Variants in CPSF2 observed in about 807,000 individuals in gnomAD.
CPSF2 encodes the protein cleavage and polyadenylation specificity factor subunit 2.
A neutral mutation model predicts 84.2 loss-of-function variants in CPSF2; 51 were observed. The ratio of observed to expected loss-of-function variants is 0.61; its 90% confidence interval spans 0.48 to 0.77. The LOEUF (loss-of-function observed/expected upper bound fraction) is 0.77. Among genes scored for constraint, CPSF2 ranks in the 30% least tolerant of loss-of-function variants. The pLI, the probability that CPSF2 is intolerant of heterozygous loss-of-function variation, is 0.00. For missense variants in CPSF2, 641 were observed against 929.4 expected (o/e 0.69, Z 4.03); for synonymous variants, 286 against 311.9 (o/e 0.92, Z 0.87).
intron 9 of CPSF2, among the ~76,000 whole-genome samples, chr14:92,145,897 G>C (rs1372302670): frequency 2.0e-5 from 3 of 152,150 alleles, no homozygotes; most frequent in African/African-American, 7.2e-5. Flanking sequence ...CTTAGCGATA[G>C]TTCTTTTGCA....
In CPSF2 at chr14:92,167,283, A is replaced by T. The variant is rs998005900; in HGVS notation, c.*5539A>T. The stretch of plus-strand genomic sequence containing the variant: ...TGCCTCAGCCTCCCAAAGTGCTGGG[A>T]TTACAGTCGTGAGCCACCATACTCA... On this transcript the variant is annotated 3_prime_UTR_variant, in exon 16 of 16. Coordinates refer to ENST00000298875, the MANE Select transcript of CPSF2 (RefSeq NM_017437.3). The T allele has an allele frequency of 2.0e-5, 3 of 152,134 alleles. No individual in the cohort carries two copies. Among genetic ancestry groups the T allele is most frequent in the African/African-American group, 7.2e-5 (3 of 41,428 alleles). 9.4% of individuals were successfully genotyped at this position (152,134 alleles called of 1,614,324 possible).
intron 1 of CPSF2, among the ~76,000 whole-genome samples, chr14:92,124,530 T>A (rs1177484524): frequency 6.6e-6 from 1 of 152,178 alleles, no homozygotes; most frequent in Non-Finnish European, 1.5e-5. Flanking sequence ...TATTAAAACT[T>A]AGTCTGAGAC....
Position 92,159,135 on chromosome 14 carries a change from A to G in CPSF2, c.1974A>G (p.Glu658=), listed in dbSNP as rs1488516531. The G allele has an allele frequency of 6.2e-7, 1 of 1,614,018 alleles. No individual in the cohort carries two copies. Among genetic ancestry groups the G allele is most frequent in the Non-Finnish European group, 8.5e-7 (1 of 1,180,012 alleles). Residue 658 remains glutamate, a synonymous_variant, in exon 14 of 16, where the codon GAA becomes GAG. Coordinates refer to ENST00000298875, the MANE Select transcript of CPSF2 (RefSeq NM_017437.3). The stretch of plus-strand genomic sequence containing the variant: ...AAGGAGAACTAAAGGATGATGGAGA[A>G]GACTCAGAGATGCAAGTGGAAGCTC... ...LEEGELKDDG[E]DSEMQVEAPS... is the part of the protein sequence containing the mutation.
At position 92,156,572 on chromosome 14, in the gene CPSF2, T is replaced by A; in HGVS notation, c.1536T>A (p.Asp512Glu). 1 of 1,611,248 alleles carries A rather than the reference T, an allele frequency of 6.2e-7. No individual in the cohort carries two copies. Among genetic ancestry groups the A allele is most frequent in the South Asian group, 1.1e-5 (1 of 90,912 alleles). ...TGACAAATGGAGATGAACCTATGGA[T>A]CAGGATTTATCTGATGTTCCTACTA... The part of the protein sequence containing the change: ...SGLTNGDEPM[D>E]QDLSDVPTKC... Residue 512 changes from aspartate (D) to glutamate (E), a missense_variant, in exon 12 of 16, where the codon GAT (aspartate) becomes GAA (glutamate). Asp to Glu is a conservative substitution (Grantham distance 45). Transcript: ENST00000298875.
rs150582555 is a variant in CPSF2 at position 92,156,167 on chromosome 14, G to A, written c.1443-312G>A. Among the ~76,000 whole-genome samples, 75 of 152,258 alleles carry A rather than the reference G, an allele frequency of 4.9e-4. 1 individual carries two copies. The East Asian group carries it at 0.013, about 27-fold the overall frequency. The stretch of plus-strand genomic sequence containing the variant: ...TAGCCGGGCGTGATGGCAGGCACCT[G>A]TAATCCTAGCTACTCTGGGGGCTGA... On this transcript the variant is annotated intron_variant, in intron 11 of 15. Transcript: ENST00000298875.
In CPSF2 at chr14:92,143,245, T is replaced by C. The variant is rs527771956; in HGVS notation, c.1091T>C (p.Leu364Ser). ...ILTYRTTPGT[L>S]ARFLIDNPSE... Reference sequence around the variant, plus strand: ...ACCTACAGAACTACTCCTGGGACTTTAGCACGTTTCCTAATTGATAATCCT... The same window carrying C: ...ACCTACAGAACTACTCCTGGGACTTCAGCACGTTTCCTAATTGATAATCCT... Residue 364 changes from leucine to serine, a missense_variant, in exon 9 of 16, where the codon TTA (leucine) becomes TCA (serine). Physicochemically the swap from Leu to Ser is moderately radical, Grantham distance 145. Coordinates refer to ENST00000298875, the MANE Select transcript of CPSF2 (RefSeq NM_017437.3). The C allele has an allele frequency of 5.6e-6, 9 of 1,612,600 alleles. No individual in the cohort carries two copies. The Admixed American group carries it at 1.3e-4, about 24-fold the overall frequency.
chr14:92,149,213 A>G lies in CPSF2; in HGVS notation c.1141-5145A>G, dbSNP rs117104279. ...TAAAGTGCTTACACCTTGGCCTAAA[A>G]CTCCACTAGTAGCCACTGCATTTTT... On this transcript the variant is annotated intron_variant, in intron 9 of 15. Coordinates refer to ENST00000298875, the MANE Select transcript of CPSF2 (RefSeq NM_017437.3). Among the ~76,000 whole-genome samples the G allele has an allele frequency of 7.1e-4, 108 of 152,020 alleles. 6 individuals carry two copies. In the East Asian group the frequency reaches 0.02, roughly 29 times the overall value.
chr14:92,131,121 AT>A lies in CPSF2; in HGVS notation c.139del (p.Ser47ProfsTer2). On this transcript the variant is annotated frameshift_variant, in exon 3 of 16. Transcript: ENST00000298875. LOFTEE classifies it high-confidence loss of function. ...GAGCACTTTTCTATGGATATTATTG[AT>A]TCCCTGAGGAAGTAAGTTACATTTC... ...WDEHFSMDII[D>X]SLRKHVHQID... The A allele has an allele frequency of 6.2e-7, 1 of 1,601,940 alleles. No individual in the cohort carries two copies. Among genetic ancestry groups the A allele is most frequent in the Non-Finnish European group, 8.5e-7 (1 of 1,176,252 alleles).
At chr14:92,128,753 G>T (rs1372293102) in intron 2 of CPSF2, among the ~76,000 whole-genome samples, 1 of 152,154 alleles carries the variant, frequency 6.6e-6, no homozygotes, top group Non-Finnish European at 1.5e-5. Context: ...TTTGCAATGG[G>T]AATACTAGAG....
chr14:92,157,668 T>C lies in CPSF2; in HGVS notation c.1605T>C (p.Val535=). The C allele has an allele frequency of 6.2e-7, 1 of 1,609,934 alleles. No homozygotes were observed. The highest frequency in any genetic ancestry group is 1.1e-5 in the South Asian group (1 of 91,022). Residue 535 remains valine (V), a synonymous_variant, in exon 13 of 16, where the codon GTT becomes GTC. Transcript: ENST00000298875. The surrounding 1 kb of genome is among the most constrained non-coding windows in gnomAD (Gnocchi z 4.0). ...TTESIEIKAR[V]TYIDYEGRSD... ...TCATATCTAATTACAGAGCCCGGGT[T>C]ACCTACATAGACTATGAAGGACGCT... is the stretch of plus-strand genomic sequence containing the variant.
chr14:92,168,945 T>C lies in CPSF2; in HGVS notation c.*7201T>C, dbSNP rs1206309024. ...GAAATTGTTAAGGATTCCATGATCC[T>C]ACTAAAATTTTTGATAATGATAATT... is the stretch of plus-strand genomic sequence containing the variant. On this transcript the variant is annotated 3_prime_UTR_variant, in exon 16 of 16. Transcript: ENST00000298875. 1 of 152,206 alleles carries C rather than the reference T, an allele frequency of 6.6e-6. No homozygotes were observed. Among genetic ancestry groups the C allele is most frequent in the Non-Finnish European group, 1.5e-5 (1 of 68,038 alleles). 9.4% of individuals were successfully genotyped at this position (152,206 alleles called of 1,614,324 possible).
In CPSF2 at chr14:92,152,446, T is replaced by A. The variant is rs1466030520; in HGVS notation, c.1141-1912T>A. Among the ~76,000 whole-genome samples the A allele has an allele frequency of 3.3e-5, 5 of 150,484 alleles. No homozygotes were observed. In the South Asian group the frequency reaches 8.4e-4, roughly 25 times the overall value. On this transcript the variant is annotated intron_variant, in intron 9 of 15. Coordinates refer to ENST00000298875, the MANE Select transcript of CPSF2 (RefSeq NM_017437.3). ...GCCCGGCCTATTATTATTATTAATTTATTTATTTTTGAGCTGGAGTCTCAC... is the reference window on the plus strand; with the variant it reads ...GCCCGGCCTATTATTATTATTAATTAATTTATTTTTGAGCTGGAGTCTCAC...
intron 6 of CPSF2, among the ~76,000 whole-genome samples, chr14:92,136,643 C>T (rs907468404): frequency 3.3e-5 from 5 of 152,198 alleles, no homozygotes; most frequent in African/African-American, 1.2e-4. Flanking sequence ...TCCCTTTGCT[C>T]ACTAGAAGCA....
chr14:92,136,649 A>G lies in CPSF2; in HGVS notation c.545+1153A>G, dbSNP rs374270751. Among the ~76,000 whole-genome samples the G allele has an allele frequency of 5.9e-4, 90 of 152,326 alleles. 2 individuals carry two copies. The South Asian group carries it at 0.018, about 31-fold the overall frequency. ...GAAGGCAGCTCCCTTTGCTCACTAG[A>G]AGCAGGGAGCTCTCTTCTTCTTCTC... On this transcript the variant is annotated intron_variant, in intron 6 of 15. Transcript: ENST00000298875.
At chr14:92,125,925 TTA>T (rs10601338) in intron 1 of CPSF2, among the ~76,000 whole-genome samples, 195 bp from the exon 2 acceptor site, 1,844 of 152,288 alleles carry the variant, frequency 0.012, 41 homozygotes, top group African/African-American at 0.042. Context: ...CTAAATATTT[TTA>T]TGTCTTTTAT....
chr14:92,135,018 A>G (rs1437405098), intron 5 of CPSF2, among the ~76,000 whole-genome samples: 2 of 152,230 alleles, frequency 1.3e-5, no homozygotes, highest in Non-Finnish European at 2.9e-5. Flanking sequence ...GCAAAAATGG[A>G]AACATTTGGT....
intron 12 of CPSF2, among the ~76,000 whole-genome samples, chr14:92,156,876 T>C (rs2069297497): frequency 6.6e-6 from 1 of 152,196 alleles, no homozygotes; most frequent in Admixed American, 6.5e-5. Context: ...AATTGTAACA[T>C]TAAATTGTAC....
chr14:92,134,270 T>TTTTA lies in CPSF2; in HGVS notation c.331_334dup (p.Thr112IlefsTer8). 1.2e-6 allele frequency: 2 copies of TTTTA among 1,613,504 alleles called. No individual in the cohort carries two copies. The highest frequency in any genetic ancestry group is 1.7e-6 in the Non-Finnish European group (2 of 1,179,468). ...TTTAGTCTCGACACAATACAGAAGA[T>TTTTA]TTTACACTCTTTACATTAGATGATG... On this transcript the variant is annotated frameshift_variant, in exon 5 of 16. Coordinates refer to ENST00000298875, the MANE Select transcript of CPSF2 (RefSeq NM_017437.3). LOFTEE classifies it high-confidence loss of function.
At chr14:92,122,153 C>G (rs180896870) in intron 1 of CPSF2, 25 bp downstream of exon 1, 1 of 349,406 alleles carries the variant, frequency 2.9e-6, no homozygotes, top group African/African-American at 2.1e-5. Flanking sequence ...GAGAAAGGAG[C>G]GAGCCTCGGG....
Sources: allele counts gnomAD v4.1 joint callset (sites outside exome capture counted in the v4.1 genomes callset), GRCh38; gene constraint gnomAD v4.1.1; non-coding constraint Gnocchi (gnomAD v3.1); transcripts MANE v1.5; gene names NCBI Gene and HGNC (gene_info 2026-07-23, HGNC 2026-07-21).